Variants in NR5A2 observed in about 807,000 individuals in gnomAD.
NR5A2 encodes nuclear receptor subfamily 5 group A member 2, also known as CYP7A promoter-binding factor.
NR5A2 carries 26 observed loss-of-function variants against 62.7 expected under a neutral mutation model. That is an observed-to-expected ratio of 0.41 (90% CI 0.30 to 0.58). The LOEUF (loss-of-function observed/expected upper bound fraction) is 0.58, where lower values mean the gene tolerates loss of function less well. Ranked by LOEUF, NR5A2 falls within the 20% of genes least tolerant of loss-of-function variation. The pLI, the probability that NR5A2 is intolerant of heterozygous loss-of-function variation, is 0.22. For synonymous variants in NR5A2, 246 were observed against 241.7 expected, an observed-to-expected ratio of 1.02 and a Z score of -0.16; for missense variants, 541 against 669.1, an observed-to-expected ratio of 0.81 and a Z score of 2.11.
chr1:200,114,757 G>A (rs969430968), intron 6 of NR5A2, among the ~76,000 whole-genome samples: 7 of 152,144 alleles, frequency 4.6e-5, no homozygotes, highest in Non-Finnish European at 1.0e-4. Flanking sequence ...GGCAGATGAG[G>A]AACCAAGGCA....
At chr1:200,129,675 C>T (rs1666876414) in intron 7 of NR5A2, among the ~76,000 whole-genome samples, 1 of 152,200 alleles carries the variant, frequency 6.6e-6, no homozygotes, top group South Asian at 2.1e-4. Flanking sequence ...GTTGCTTTAA[C>T]TGCAGTTCCA....
At chr1:200,149,937 T>C (rs1053183047) in intron 7 of NR5A2, among the ~76,000 whole-genome samples, 2 of 152,224 alleles carry the variant, frequency 1.3e-5, no homozygotes, top group African/African-American at 4.8e-5. Flanking sequence ...TGTAGTTACC[T>C]CCATGCAGTA....
intron 1 of NR5A2, among the ~76,000 whole-genome samples, chr1:200,037,150 C>T (rs1661816102): frequency 6.6e-6 from 1 of 152,162 alleles, no homozygotes; most frequent in Non-Finnish European, 1.5e-5. Flanking sequence ...TCCCTTCTGG[C>T]CCTGGCAGCT....
chr1:200,070,369 A>G (rs984536459), intron 5 of NR5A2, among the ~76,000 whole-genome samples: 5 of 152,152 alleles, frequency 3.3e-5, no homozygotes, highest in Admixed American at 6.5e-5. Flanking sequence ...TTTTTAAATC[A>G]TCTACAAGTC....
In NR5A2 at chr1:200,094,958, A is replaced by G. The variant is rs549961630; in HGVS notation, c.1111-16244A>G. On this transcript the variant is annotated intron_variant, in intron 5 of 7. Transcript: ENST00000367362. ...TCTAGAGTTCTCATAGATAGAAAAG[A>G]ACATAAAGGAATATGTTAAACATAA... 1.1e-4 allele frequency among the ~76,000 whole-genome samples: 17 copies of G among 152,272 alleles called. No homozygotes were observed. The South Asian group carries it at 3.3e-3, about 30-fold the overall frequency.
At chr1:200,087,407 T>A (rs1571450065) in intron 5 of NR5A2, among the ~76,000 whole-genome samples, 1 of 152,184 alleles carries the variant, frequency 6.6e-6, no homozygotes, top group East Asian at 1.9e-4. Flanking sequence ...ATTTCCCTTT[T>A]TTTTTGAGAC....
At chr1:200,032,673 AT>A (rs934675581) in intron 1 of NR5A2, among the ~76,000 whole-genome samples, 1 of 152,144 alleles carries the variant, frequency 6.6e-6, no homozygotes, top group Non-Finnish European at 1.5e-5. Flanking sequence ...ACTGATATAT[AT>A]ATATATATCC....
chr1:200,108,316 G>A (rs1376030813), intron 5 of NR5A2, among the ~76,000 whole-genome samples: 2 of 151,954 alleles, frequency 1.3e-5, no homozygotes, highest in African/African-American at 4.8e-5. Context: ...GCACTCAAGT[G>A]ATCCTCCCAC....
At position 200,039,685 on chromosome 1, in the gene NR5A2, C is replaced by A. The variant is rs756380591; in HGVS notation, c.92C>A (p.Ser31Tyr). ...GCTGGGCTTCCGGACCGACACGGAT[C>A]CCCCATCCCCGCCCGCGGTCGCCTT... ...IGAGLPDRHG[S>Y]PIPARGRLVM... is the part of the protein sequence containing the mutation. Residue 31 changes from serine (S) to tyrosine (Y), a missense_variant, in exon 2 of 8, where the codon TCC becomes TAC. Transcript: ENST00000367362. This position sits in a 1 kb window ranked among gnomAD's most constrained non-coding sequence, Gnocchi z 5.1. The A allele has an allele frequency of 8.7e-6, 14 of 1,610,258 alleles. No homozygotes were observed. The highest frequency in any genetic ancestry group is 1.0e-5 in the Non-Finnish European group (12 of 1,178,570).
At chr1:200,049,081 T>G (rs1317344436) in intron 5 of NR5A2, among the ~76,000 whole-genome samples, 1 of 152,122 alleles carries the variant, frequency 6.6e-6, no homozygotes, top group African/African-American at 2.4e-5. Context: ...TTTTTCTAAA[T>G]AGTAGAATAT....
At chr1:200,167,454 G>A (rs10494810) in intron 7 of NR5A2, among the ~76,000 whole-genome samples, 57,382 of 151,862 alleles carry the variant, frequency 0.38, 13,224 homozygotes, top group African/African-American at 0.66. Flanking sequence ...CTTGGCCGCC[G>A]TATTTCTCAT....
At chr1:200,069,239 G>T (rs1663628522) in intron 5 of NR5A2, among the ~76,000 whole-genome samples, 1 of 150,624 alleles carries the variant, frequency 6.6e-6, no homozygotes, top group South Asian at 2.1e-4. Context: ...TTCTGATGAA[G>T]AATTTATAAA....
chr1:200,079,399 C>T (rs1664187022), intron 5 of NR5A2, among the ~76,000 whole-genome samples: 2 of 152,300 alleles, frequency 1.3e-5, no homozygotes, highest in African/African-American at 4.8e-5. Context: ...TACATTTACA[C>T]TCTGTCGGAA....
chr1:200,096,862 T>C (rs964553568), intron 5 of NR5A2, among the ~76,000 whole-genome samples: 16 of 152,218 alleles, frequency 1.1e-4, no homozygotes, highest in African/African-American at 3.9e-4. Context: ...CCAGGAGCGA[T>C]AGACTATTCC....
chr1:200,151,458 A>G (rs1023758538), intron 7 of NR5A2, among the ~76,000 whole-genome samples: 5 of 152,226 alleles, frequency 3.3e-5, no homozygotes, highest in African/African-American at 1.2e-4. Flanking sequence ...GCGAGCTTTC[A>G]TTACTGTGTA....
chr1:200,112,559 T>TA (rs2102295653), intron 6 of NR5A2, among the ~76,000 whole-genome samples: 1 of 152,354 alleles, frequency 6.6e-6, no homozygotes, highest in South Asian at 2.1e-4. Flanking sequence ...GTATTATTAA[T>TA]AAATCAAAAT....
chr1:200,159,203 G>C (rs1358398485), intron 7 of NR5A2, among the ~76,000 whole-genome samples: 1 of 152,024 alleles, frequency 6.6e-6, no homozygotes, highest in African/African-American at 2.4e-5. Context: ...CCATGTATTT[G>C]ATTCTTTTAA....
chr1:200,070,098 T>C (rs546613991), intron 5 of NR5A2, among the ~76,000 whole-genome samples: 58 of 152,310 alleles, frequency 3.8e-4, no homozygotes, highest in African/African-American at 1.3e-3. Flanking sequence ...GTGAGGTAGT[T>C]TGACTGATAT....
intron 5 of NR5A2, among the ~76,000 whole-genome samples, chr1:200,085,840 A>T (rs1664499583): frequency 6.6e-6 from 1 of 152,202 alleles, no homozygotes; most frequent in Non-Finnish European, 1.5e-5. Flanking sequence ...AACTCAGTAG[A>T]TAAGAAACAT....
Sources: allele counts gnomAD v4.1 joint callset (sites outside exome capture counted in the v4.1 genomes callset), GRCh38; gene constraint gnomAD v4.1.1; non-coding constraint Gnocchi (gnomAD v3.1); transcripts MANE v1.5; gene names NCBI Gene and HGNC (gene_info 2026-07-23, HGNC 2026-07-21).